PUM2: variants seen among roughly 807,000 people sequenced by gnomAD.
PUM2 encodes the protein pumilio RNA binding family member 2.
PUM2 carries 57 observed loss-of-function variants against 124.5 expected under a neutral mutation model. The observed-to-expected ratio is 0.46, with a 90% CI of 0.37 to 0.57. The LOEUF (loss-of-function observed/expected upper bound fraction) is 0.57. PUM2 is among the 20% of genes least tolerant of loss of function. The pLI is 0.00. For synonymous variants in PUM2, 460 were observed against 446.1 expected, an observed-to-expected ratio of 1.03 and a Z score of -0.39; for missense variants, 1,065 against 1,290.6, an observed-to-expected ratio of 0.83 and a Z score of 2.68.
At chr2:20,329,282 A>T (rs1252590994) in intron 1 of PUM2, among the ~76,000 whole-genome samples, 1 of 151,568 alleles carries the variant, frequency 6.6e-6, no homozygotes, top group Non-Finnish European at 1.5e-5. Context: ...GAATACAAAA[A>T]TTAGCCTGTT....
At chr2:20,273,204 T>C (rs919810532) in intron 13 of PUM2, among the ~76,000 whole-genome samples, 1 of 152,192 alleles carries the variant, frequency 6.6e-6, no homozygotes, top group African/African-American at 2.4e-5. Context: ...GACGAAACTA[T>C]TTTTGTGCTG....
chr2:20,299,812 T>C (rs1409435904), intron 7 of PUM2, among the ~76,000 whole-genome samples: 1 of 152,242 alleles, frequency 6.6e-6, no homozygotes, highest in Non-Finnish European at 1.5e-5. Context: ...TCTGCTTTTA[T>C]CTATGAAAAG....
chr2:20,290,479 GTTGAGTCTCACA>G (rs1673781647), intron 10 of PUM2, among the ~76,000 whole-genome samples, 161 bp downstream of exon 10: 2 of 75,558 alleles, frequency 2.6e-5, no homozygotes, highest in African/African-American at 1.0e-4. Flanking sequence ...CATTCCTGTC[GTTGAGTCTCACA>G]ATCAATACTG....
rs1251670659 is a variant in PUM2 at position 20,249,489 on chromosome 2, TG to T, written c.*2095del. 2.6e-5 allele frequency: 4 copies of T among 152,646 alleles called. No homozygotes were observed. Among genetic ancestry groups the T allele is most frequent in the Non-Finnish European group, 5.9e-5 (4 of 68,038 alleles). The allele number at this position is 152,646 out of a possible 1,614,324, so 9.5% of individuals were successfully genotyped here. A position where few individuals can be genotyped will look rare whatever the true frequency, so the allele number is the denominator to read the frequency against. ...AACGGTGACAAGTGTTTGGATTTAA[TG>T]GTCTCACCAAGGAATGTTGGGTTAG... On this transcript the variant is annotated 3_prime_UTR_variant, in exon 21 of 21. Coordinates refer to ENST00000361078, the MANE Select transcript of PUM2 (RefSeq NM_015317.5).
chr2:20,277,993 A>G (rs1670631718), intron 13 of PUM2, among the ~76,000 whole-genome samples: 1 of 152,162 alleles, frequency 6.6e-6, no homozygotes, highest in Admixed American at 6.6e-5. Context: ...TACAAATATA[A>G]ACAAAGTTCT....
intron 1 of PUM2, among the ~76,000 whole-genome samples, chr2:20,346,697 A>G (rs890788014): frequency 3.3e-5 from 5 of 152,290 alleles, no homozygotes; most frequent in African/African-American, 1.2e-4. Flanking sequence ...TTTTCCCCAG[A>G]ACTAAAAAAA....
chr2:20,336,057 C>A (rs1473889687), intron 1 of PUM2, among the ~76,000 whole-genome samples: 1 of 152,224 alleles, frequency 6.6e-6, no homozygotes, highest in East Asian at 1.9e-4. Flanking sequence ...ACACACTAAA[C>A]AGCCTCAATC....
chr2:20,254,935 G>T lies in PUM2; in HGVS notation c.2798C>A (p.Pro933His). ...VIQHVLEHGR[P>H]EDKSKIVSEI... is the part of the protein sequence containing the mutation. ...GGAAACAATTTTGCTCTTGTCTTCAGGTCGACCGTGTTCCAGTACATGCTG... is the reference window on the plus strand; with the variant it reads ...GGAAACAATTTTGCTCTTGTCTTCATGTCGACCGTGTTCCAGTACATGCTG... Residue 933 changes from proline (P) to histidine (H), a missense_variant, in exon 19 of 21, where the codon CCT becomes CAT. This residue lies in a region of PUM2 where 968 missense variants were observed against 1,159.8 expected (regional missense o/e 0.83). Coordinates refer to ENST00000361078, the MANE Select transcript of PUM2 (RefSeq NM_015317.5). 1 of 1,613,814 alleles carries T rather than the reference G, an allele frequency of 6.2e-7. No individual in the cohort carries two copies. Among genetic ancestry groups the T allele is most frequent in the South Asian group, 1.1e-5 (1 of 91,062 alleles).
chr2:20,330,413 T>G (rs1260871549), intron 1 of PUM2, among the ~76,000 whole-genome samples: 4 of 152,188 alleles, frequency 2.6e-5, no homozygotes, highest in Non-Finnish European at 5.9e-5. Context: ...GATTAGAGAG[T>G]TTGAACTTTC....
At chr2:20,302,277 G>T (rs1166182532) in intron 7 of PUM2, among the ~76,000 whole-genome samples, 1 of 152,190 alleles carries the variant, frequency 6.6e-6, no homozygotes, top group East Asian at 1.9e-4. Flanking sequence ...AACTGTACCA[G>T]TTTACATTCC....
At chr2:20,300,685 G>A (rs1014591892) in intron 7 of PUM2, among the ~76,000 whole-genome samples, 3 of 149,296 alleles carry the variant, frequency 2.0e-5, no homozygotes. Context: ...TAAATCTCCC[G>A]AAAATCACCA....
At chr2:20,297,875 T>C (rs939449836) in intron 7 of PUM2, among the ~76,000 whole-genome samples, 197 bp from the exon 8 acceptor site, 4 of 152,186 alleles carry the variant, frequency 2.6e-5, no homozygotes, top group Non-Finnish European at 4.4e-5. Flanking sequence ...GAAACAGCTG[T>C]TTTGCAGAAT....
chr2:20,252,440 G>A (rs1558464423), intron 20 of PUM2, among the ~76,000 whole-genome samples: 3 of 152,134 alleles, frequency 2.0e-5, no homozygotes, highest in South Asian at 4.1e-4. Context: ...ACATCAAGTT[G>A]AAGAATGAAT....
At chr2:20,264,496 C>A (rs1263855209) in intron 13 of PUM2, among the ~76,000 whole-genome samples, 1 of 148,260 alleles carries the variant, frequency 6.7e-6, no homozygotes, top group Non-Finnish European at 1.5e-5. Flanking sequence ...ACATTTTTAA[C>A]TTACATTCCG....
intron 1 of PUM2, among the ~76,000 whole-genome samples, chr2:20,342,917 T>C (rs542762019): frequency 1.2e-4 from 19 of 152,246 alleles, no homozygotes; most frequent in Middle Eastern, 6.8e-3. Flanking sequence ...TAGAAATGTA[T>C]GGAGAGAAAC....
chr2:20,270,062 GAA>G (rs1668665807), intron 13 of PUM2, among the ~76,000 whole-genome samples: 1 of 152,096 alleles, frequency 6.6e-6, no homozygotes, highest in Non-Finnish European at 1.5e-5. Context: ...TATCTTTAGT[GAA>G]AACTACCTCC....
At chr2:20,332,422 A>C (rs1011737153) in intron 1 of PUM2, among the ~76,000 whole-genome samples, 15 of 150,174 alleles carry the variant, frequency 1.0e-4, no homozygotes, top group Non-Finnish European at 2.1e-4. Flanking sequence ...AAAAAAAAAA[A>C]CCCACCCCCA....
At chr2:20,322,385 C>G (rs1166672518) in intron 2 of PUM2, among the ~76,000 whole-genome samples, 1 of 152,006 alleles carries the variant, frequency 6.6e-6, no homozygotes, top group Non-Finnish European at 1.5e-5. Flanking sequence ...GAGCTAGAGA[C>G]CAGCCTGGCC....
At chr2:20,265,463 A>G (rs1667436106) in intron 13 of PUM2, among the ~76,000 whole-genome samples, 1 of 152,230 alleles carries the variant, frequency 6.6e-6, no homozygotes, top group South Asian at 2.1e-4. Context: ...GTTCGTAACA[A>G]TAATTGATCA....
Sources: gnomAD v4.1 joint callset for allele counts (sites outside exome capture counted in the v4.1 genomes callset) on GRCh38, gnomAD v4.1.1 for gene constraint, gnomAD v4.1.1 regional missense constraint, MANE v1.5 for transcripts, NCBI Gene and HGNC (gene_info 2026-07-23, HGNC 2026-07-21) for gene names.